The following DHRSX variants were observed in gnomAD, a reference collection of about 807,000 sequenced individuals.
DHRSX encodes the protein dehydrogenase/reductase X-linked, also known as polyprenol dehydrogenase.
Under a neutral mutation model 34.0 loss-of-function variants are expected in DHRSX, and 31 were observed. The ratio of observed to expected loss-of-function variants is 0.91; its 90% confidence interval spans 0.69 to 1.23. The LOEUF (loss-of-function observed/expected upper bound fraction) is 1.23. Among genes scored for constraint, DHRSX ranks in the 50% most tolerant of loss-of-function variants. DHRSX has a pLI of 0.00. For missense variants in DHRSX, 414 were observed against 428.1 expected (o/e 0.97, Z 0.29); for synonymous variants, 201 against 183.8 (o/e 1.09, Z -0.76).
At chrX:2,302,992 G>A (rs2042031485) in intron 3 of DHRSX, among the ~76,000 whole-genome samples, 1 of 152,118 alleles carries the variant, frequency 6.6e-6, no homozygotes, top group Non-Finnish European at 1.5e-5. Flanking sequence ...AACTCCTGAG[G>A]TACTGCTGTA....
intron 1 of DHRSX, among the ~76,000 whole-genome samples, chrX:2,459,538 G>A (rs1170330370): frequency 1.1e-5 from 1 of 90,278 alleles, no homozygotes; most frequent in Non-Finnish European, 2.0e-5. Context: ...GAGAGAGAAT[G>A]TGTGTCTGTG....
chrX:2,360,338 A>C (rs1291619186), intron 3 of DHRSX, among the ~76,000 whole-genome samples: 1 of 152,162 alleles, frequency 6.6e-6, no homozygotes, highest in Non-Finnish European at 1.5e-5. Context: ...TAATCCCAGC[A>C]CTTTGGGAGG....
At chrX:2,401,269 C>A (rs1354875398) in intron 3 of DHRSX, among the ~76,000 whole-genome samples, 2 of 152,124 alleles carry the variant, frequency 1.3e-5, no homozygotes, top group African/African-American at 4.8e-5. Flanking sequence ...CGCCACCATA[C>A]CTGACTAACA....
intron 4 of DHRSX, among the ~76,000 whole-genome samples, chrX:2,283,772 T>C (rs1396396226): frequency 2.0e-5 from 3 of 152,254 alleles, no homozygotes; most frequent in African/African-American, 7.2e-5. Context: ...CATTCATTCA[T>C]TTGCATCATT....
intron 3 of DHRSX, among the ~76,000 whole-genome samples, chrX:2,328,553 T>C (rs1252312289): frequency 6.7e-6 from 1 of 148,660 alleles, no homozygotes; most frequent in African/African-American, 2.5e-5. Flanking sequence ...CTAAGACACC[T>C]CATAAGAGGA....
intron 3 of DHRSX, among the ~76,000 whole-genome samples, chrX:2,307,972 G>T (rs376549430): frequency 8.5e-5 from 13 of 152,132 alleles, no homozygotes; most frequent in African/African-American, 2.9e-4. Flanking sequence ...AGGGCACCAT[G>T]AGAGGGACCA....
intron 1 of DHRSX, among the ~76,000 whole-genome samples, chrX:2,436,915 G>GA (rs1344007288): frequency 8.5e-5 from 13 of 152,074 alleles, no homozygotes; most frequent in Non-Finnish European, 1.5e-4. Flanking sequence ...TTATAGGCAT[G>GA]AACAGGCTAC....
chrX:2,243,852 T>C (rs1422169167), intron 5 of DHRSX, among the ~76,000 whole-genome samples: 4 of 138,194 alleles, frequency 2.9e-5, no homozygotes, highest in African/African-American at 8.5e-5. Flanking sequence ...TCACCCAGGC[T>C]GCAGCCTCCC....
intron 3 of DHRSX, among the ~76,000 whole-genome samples, chrX:2,329,862 G>A (rs2042435386): frequency 6.6e-6 from 1 of 151,978 alleles, no homozygotes; most frequent in African/African-American, 2.4e-5. Context: ...GATAATGGAT[G>A]AAACACACAA....
chrX:2,340,606 C>T (rs1556481575), intron 3 of DHRSX, among the ~76,000 whole-genome samples: 1 of 152,108 alleles, frequency 6.6e-6, no homozygotes. Flanking sequence ...TAGGAAATGA[C>T]TGCATTCAAC....
At chrX:2,355,737 G>A (rs1046172487) in intron 3 of DHRSX, among the ~76,000 whole-genome samples, 11 of 151,910 alleles carry the variant, frequency 7.2e-5, no homozygotes, top group Non-Finnish European at 1.3e-4. Flanking sequence ...AGAGAAGCCC[G>A]GACAATAGTA....
rs1263629382 is a variant in DHRSX, at chrX:2,324,927, C to G, written c.287-33324G>C. Among the ~76,000 whole-genome samples the G allele has an allele frequency of 3.6e-5, 5 of 138,698 alleles. No individual in the cohort carries two copies. In the East Asian group the frequency reaches 9.9e-4, roughly 27 times the overall value. 91.0% of individuals were successfully genotyped at this position (138,698 alleles called of 152,430 possible). On this transcript the variant is annotated intron_variant, in intron 3 of 6. Transcript: ENST00000334651. ...GGCATTATAGGTACGCACCACCAAG[C>G]CCGGCTAATTTTTGTTTTGTTTTTT...
intron 1 of DHRSX, among the ~76,000 whole-genome samples, chrX:2,429,738 C>A (rs1437191842): frequency 2.4e-4 from 37 of 151,996 alleles, no homozygotes; most frequent in Non-Finnish European, 4.3e-4. Flanking sequence ...TCCAGGAGTG[C>A]ACCCTGTCAT....
rs767512287 is a variant in DHRSX, at chrX:2,355,511, T to TAAAAA, written c.286+53229_286+53233dup. Among the ~76,000 whole-genome samples, 303 of 75,256 alleles carry TAAAAA rather than the reference T, an allele frequency of 4.0e-3. 21 individuals carry two copies. The highest frequency in any genetic ancestry group is 5.1e-3 in the Non-Finnish European group (211 of 41,198). 49.4% of individuals were successfully genotyped at this position (75,256 alleles called of 152,430 possible). A position where few individuals can be genotyped will look rare whatever the true frequency, so the allele number is the denominator to read the frequency against. On this transcript the variant is annotated intron_variant, in intron 3 of 6. Coordinates refer to ENST00000334651, the MANE Select transcript of DHRSX (RefSeq NM_145177.3). ...TGGGTGACAAGAGCGAGACCCCATCTAAAAAAAAAAAAAAAAAAAAAAAAA... is the reference window on the plus strand; with the variant it reads ...TGGGTGACAAGAGCGAGACCCCATCTAAAAAAAAAAAAAAAAAAAAAAAAAAAAAA...
chrX:2,282,581 AGAGAGAGAAGAAAGAGGG>A (rs773675436), intron 4 of DHRSX, among the ~76,000 whole-genome samples: 170 of 100,158 alleles, frequency 1.7e-3, no homozygotes, highest in African/African-American at 3.6e-3. Flanking sequence ...ACAGAAAGGG[AGAGAGAGAAGAAAGAGGG>A]GAGAGAGAAG....
intron 3 of DHRSX, among the ~76,000 whole-genome samples, chrX:2,380,067 C>A (rs1039547565): frequency 6.6e-6 from 1 of 151,896 alleles, no homozygotes; most frequent in Admixed American, 6.6e-5. Flanking sequence ...GAGGCCGAGG[C>A]GGGCAAACCA....
chrX:2,460,455 T>C (rs932108702), intron 1 of DHRSX, among the ~76,000 whole-genome samples: 1 of 152,204 alleles, frequency 6.6e-6, no homozygotes, highest in Admixed American at 6.5e-5. Flanking sequence ...GCCCAGGCTA[T>C]TGCCCAGCCT....
At chrX:2,393,688 C>A (rs866628746) in intron 3 of DHRSX, among the ~76,000 whole-genome samples, 56 of 114,132 alleles carry the variant, frequency 4.9e-4, no homozygotes, top group South Asian at 1.4e-3. Flanking sequence ...CAGGGACCTC[C>A]CTGTCTCCTG....
intron 1 of DHRSX, among the ~76,000 whole-genome samples, chrX:2,449,046 G>A (rs769856576): frequency 5.9e-5 from 9 of 152,126 alleles, no homozygotes; most frequent in South Asian, 2.1e-4. Context: ...AAAATTAGCT[G>A]GGTGTGGTGG....
Sources: allele counts gnomAD v4.1 joint callset (sites outside exome capture counted in the v4.1 genomes callset), GRCh38; gene constraint gnomAD v4.1.1; transcripts MANE v1.5; gene names NCBI Gene and HGNC (gene_info 2026-07-23, HGNC 2026-07-21).